CNTN4: variants seen among roughly 807,000 people sequenced by gnomAD.
CNTN4 encodes the protein contactin-4.
A neutral mutation model predicts 122.5 loss-of-function variants in CNTN4; 77 were observed. The ratio of observed to expected loss-of-function variants is 0.63; its 90% CI spans 0.52 to 0.76. The LOEUF (loss-of-function observed/expected upper bound fraction) is 0.76, where lower values mean the gene tolerates loss of function less well. CNTN4 is among the 30% of genes least tolerant of loss of function. CNTN4 has a pLI of 0.00. For missense variants in CNTN4, 1,256 were observed against 1,259.1 expected, an observed-to-expected ratio of 1.00 and a Z score of 0.04; for synonymous variants, 512 against 447.0, an observed-to-expected ratio of 1.15 and a Z score of -1.83.
chr3:2,747,380 G>A (rs994044389), intron 6 of CNTN4, among the ~76,000 whole-genome samples: 30 of 151,076 alleles, frequency 2.0e-4, no homozygotes, highest in African/African-American at 7.1e-4. Flanking sequence ...CTGGACTCCA[G>A]CCTGGGCGAC....
intron 4 of CNTN4, among the ~76,000 whole-genome samples, chr3:2,623,045 C>T (rs908715921): frequency 1.3e-5 from 2 of 152,172 alleles, no homozygotes; most frequent in Non-Finnish European, 2.9e-5. Context: ...ATCAGAAATC[C>T]ATGCTGTGTT....
At chr3:2,224,351 C>G (rs942530195) in intron 2 of CNTN4, among the ~76,000 whole-genome samples, 1 of 152,150 alleles carries the variant, frequency 6.6e-6, no homozygotes, top group African/African-American at 2.4e-5. Flanking sequence ...CACTGAGTTC[C>G]TAATAGGCAT....
At chr3:2,958,328 T>C (rs1323363869) in intron 13 of CNTN4, among the ~76,000 whole-genome samples, 1 of 152,194 alleles carries the variant, frequency 6.6e-6, no homozygotes, top group Non-Finnish European at 1.5e-5. Context: ...TTAGTTCTTA[T>C]ATATTTTAAG....
chr3:2,979,307 G>C (rs344385), intron 13 of CNTN4, among the ~76,000 whole-genome samples: 79,404 of 151,852 alleles, frequency 0.52, 22,457 homozygotes, highest in African/African-American at 0.76. Flanking sequence ...TGAAGGGGAG[G>C]TAAAAGGCTA....
In CNTN4 at chr3:2,449,376, A is replaced by C. The variant is rs112060712; in HGVS notation, c.-89+110143A>C. Reference sequence around the variant, plus strand: ...ACACCTGTAATCCCAGCACTTTGGGAGGCTGAGGTGGGTGCGTCACCTGAA... The same window carrying C: ...ACACCTGTAATCCCAGCACTTTGGGCGGCTGAGGTGGGTGCGTCACCTGAA... On this transcript the variant is annotated intron_variant, in intron 3 of 24. Coordinates refer to ENST00000418658, the MANE Select transcript of CNTN4 (RefSeq NM_175607.3). 1.0e-3 allele frequency among the ~76,000 whole-genome samples: 154 copies of C among 152,246 alleles called. No individual in the cohort carries two copies. The Middle Eastern group carries it at 0.017, about 17-fold the overall frequency.
chr3:3,037,393 G>A, intron 18 of CNTN4, 65 bp downstream of exon 18: 1 of 1,604,956 alleles, frequency 6.2e-7, no homozygotes, highest in South Asian at 1.1e-5. Flanking sequence ...AAAAGCGTTT[G>A]AATTCTTGCT....
chr3:2,326,799 C>T (rs955199604), intron 2 of CNTN4, among the ~76,000 whole-genome samples: 19 of 152,072 alleles, frequency 1.2e-4, no homozygotes, highest in East Asian at 9.6e-4. Flanking sequence ...ATTTTACAAA[C>T]GCAGAAATCA....
chr3:2,536,987 C>G (rs902163178), intron 3 of CNTN4, among the ~76,000 whole-genome samples: 3 of 152,076 alleles, frequency 2.0e-5, no homozygotes, highest in African/African-American at 7.2e-5. Context: ...AAAAGCCACT[C>G]TCTACCATGT....
intron 4 of CNTN4, among the ~76,000 whole-genome samples, chr3:2,578,314 T>C (rs2079786490): frequency 6.6e-6 from 1 of 152,134 alleles, no homozygotes; most frequent in Non-Finnish European, 1.5e-5. Context: ...TTCCCAGTAT[T>C]TGTTAATGTT....
intron 2 of CNTN4, among the ~76,000 whole-genome samples, chr3:2,283,881 CA>C (rs1277771521): frequency 6.6e-6 from 1 of 152,072 alleles, no homozygotes; most frequent in Non-Finnish European, 1.5e-5. Context: ...TTCTAATCTA[CA>C]AAAGCTAAAA....
chr3:2,379,004 T>G, intron 3 of CNTN4, among the ~76,000 whole-genome samples: 1 of 152,198 alleles, frequency 6.6e-6, no homozygotes, highest in Admixed American at 6.5e-5. Flanking sequence ...ATTTTCCTTT[T>G]CATTGCCATG....
chr3:2,661,587 C>T (rs2083896595), intron 4 of CNTN4, among the ~76,000 whole-genome samples: 1 of 151,420 alleles, frequency 6.6e-6, no homozygotes, highest in African/African-American at 2.4e-5. Flanking sequence ...CCGAGGTGGG[C>T]GGATCACCTG....
chr3:2,870,206 C>A (rs1026245116), intron 8 of CNTN4, among the ~76,000 whole-genome samples: 6 of 152,286 alleles, frequency 3.9e-5, no homozygotes, highest in Non-Finnish European at 8.8e-5. Context: ...TTTTCCCTGG[C>A]TTTTAGATTT....
intron 10 of CNTN4, among the ~76,000 whole-genome samples, chr3:2,895,878 C>G (rs1559632685): frequency 2.0e-5 from 3 of 152,010 alleles, no homozygotes; most frequent in Admixed American, 1.3e-4. Flanking sequence ...ACTAAAAATA[C>G]AAAAATTAGC....
At chr3:2,778,430 G>T (rs895301214) in intron 6 of CNTN4, among the ~76,000 whole-genome samples, 1 of 141,062 alleles carries the variant, frequency 7.1e-6, no homozygotes, top group Admixed American at 7.4e-5. Flanking sequence ...TTAAAAGCAA[G>T]TTCTCACCAG....
chr3:2,736,300 G>C lies in CNTN4; in HGVS notation c.141G>C (p.Lys47Asn). 6.2e-7 allele frequency: 1 copy of C among 1,613,732 alleles called. No individual in the cohort carries two copies. Among genetic ancestry groups the C allele is most frequent in the Non-Finnish European group, 8.5e-7 (1 of 1,179,806 alleles). The part of the protein sequence containing the change: ...FPLDSEEKKV[K>N]LNCEVKGNPK... ...TGGATTCTGAGGAGAAAAAAGTGAA[G>C]CTCAATTGTGAAGTTAAAGGAAATC... is the stretch of plus-strand genomic sequence containing the variant. The change falls in exon 5 of 25, where the codon AAG becomes AAC. Residue 47 changes from lysine (K) to asparagine (N), a missense_variant. Coordinates refer to ENST00000418658, the MANE Select transcript of CNTN4 (RefSeq NM_175607.3).
At chr3:2,802,688 G>A (rs373272907) in intron 6 of CNTN4, among the ~76,000 whole-genome samples, 7 of 152,222 alleles carry the variant, frequency 4.6e-5, no homozygotes, top group Middle Eastern at 3.4e-3. Flanking sequence ...TTTCCCCTAC[G>A]GTTTAGCAGT....
At chr3:2,696,362 T>C (rs959326226) in intron 4 of CNTN4, among the ~76,000 whole-genome samples, 2 of 152,244 alleles carry the variant, frequency 1.3e-5, no homozygotes, top group African/African-American at 2.4e-5. Flanking sequence ...TGAAGTCTTT[T>C]GGGAAGTGTT....
At chr3:2,440,188 A>G (rs1345582243) in intron 3 of CNTN4, among the ~76,000 whole-genome samples, 1 of 152,216 alleles carries the variant, frequency 6.6e-6, no homozygotes, top group Non-Finnish European at 1.5e-5. Context: ...CATGTGCACA[A>G]CGTGCAGGTT....
Sources: gnomAD v4.1 joint callset for allele counts (sites outside exome capture counted in the v4.1 genomes callset) on GRCh38, gnomAD v4.1.1 for gene constraint, MANE v1.5 for transcripts, NCBI Gene and HGNC (gene_info 2026-07-23, HGNC 2026-07-21) for gene names.